Variants in CRELD2 observed in about 807,000 individuals in gnomAD.
The protein encoded by CRELD2 is protein disulfide isomerase CRELD2.
A neutral mutation model predicts 48.1 loss-of-function variants in CRELD2; 33 were observed. The ratio of observed to expected loss-of-function variants is 0.69; its 90% CI spans 0.52 to 0.92. The LOEUF (loss-of-function observed/expected upper bound fraction) is 0.92, where lower values mean the gene tolerates loss of function less well. Among genes scored for constraint, CRELD2 ranks in the 40% least tolerant of loss-of-function variants. The pLI, the probability that CRELD2 is intolerant of heterozygous loss-of-function variation, is 0.00. For synonymous variants in CRELD2, 220 were observed against 203.9 expected, an observed-to-expected ratio of 1.08 and a Z score of -0.67; for missense variants, 477 against 482.4, an observed-to-expected ratio of 0.99 and a Z score of 0.10.
chr22:49,920,288 T>C (rs1193057433), intron 4 of CRELD2, 41 bp downstream of exon 4: 1 of 1,322,596 alleles, frequency 7.6e-7, no homozygotes, highest in Non-Finnish European at 1.1e-6. Context: ...CTACGTCACT[T>C]CCCCTCTTCT....
rs764933512 is a variant in CRELD2 at position 49,925,512 on chromosome 22, G to A, written c.964G>A (p.Gly322Ser). ...PGSYVCVCPDGFEETEDACVP... is the reference protein window; with the variant it reads ...PGSYVCVCPDSFEETEDACVP... ...GAGCTACGTCTGTGTGTGTCCTGAC[G>A]GCTTCGAAGAAACGGAAGATGCCTG... The change falls in exon 9 of 10, where the codon GGC (glycine) becomes AGC (serine). Residue 322 changes from glycine to serine, a missense_variant. By Grantham distance (56) the Gly-to-Ser change is moderately conservative (BLOSUM62 0). Coordinates refer to ENST00000328268, the MANE Select transcript of CRELD2 (RefSeq NM_024324.5). 11 of 1,613,838 alleles carry A rather than the reference G, an allele frequency of 6.8e-6. No individual in the cohort carries two copies. The highest frequency in any genetic ancestry group is 5.0e-5 in the Admixed American group (3 of 60,008).
intron 1 of CRELD2, 47 bp from the exon 2 acceptor site, chr22:49,919,183 A>C: frequency 8.9e-6 from 14 of 1,572,888 alleles, no homozygotes; most frequent in Middle Eastern, 1.7e-4. Context: ...CCCACCCTGG[A>C]CCCGGGTCAG....
At chr22:49,924,542 G>A in intron 8 of CRELD2, 87 bp downstream of exon 8, 2 of 1,022,168 alleles carry the variant, frequency 2.0e-6, no homozygotes, top group Non-Finnish European at 2.9e-6. Flanking sequence ...TGCCAGGGAT[G>A]GGAAGCAGTT....
rs2060693312 is a variant in CRELD2 at position 49,922,011 on chromosome 22, C to T, written c.592+250C>T. The T allele has an allele frequency of 5.0e-6, 3 of 602,644 alleles. No homozygotes were observed. In the East Asian group the frequency reaches 8.4e-5, roughly 17 times the overall value. The allele number at this position is 602,644 out of a possible 1,614,324, so 37.3% of individuals were successfully genotyped here. On this transcript the variant is annotated intron_variant, in intron 5 of 9. Transcript: ENST00000328268. Reference sequence around the variant, plus strand: ...ACCTTTCTCTCTAGTTCAAGGTCCACCCCGACCTTGAGTTGTGATGGGCCA... The same window carrying T: ...ACCTTTCTCTCTAGTTCAAGGTCCATCCCGACCTTGAGTTGTGATGGGCCA...
rs757316087 is a variant in CRELD2 at position 49,925,487 on chromosome 22, GA to G, written c.940del (p.Ser314AlafsTer102). On this transcript the variant is annotated frameshift_variant, in exon 9 of 10. Transcript: ENST00000328268. LOFTEE classifies it high-confidence loss of function. ...ACGAAAACTGCTACAATACTCCAGG[GA>G]GCTACGTCTGTGTGTGTCCTGACGG... ...KNENCYNTPGSYVCVCPDGFE... is the reference protein window; with the variant it reads ...KNENCYNTPGXYVCVCPDGFE... 1.2e-6 allele frequency: 2 copies of G among 1,614,030 alleles called. No individual in the cohort carries two copies. The highest frequency in any genetic ancestry group is 1.7e-6 in the Non-Finnish European group (2 of 1,180,022).
Position 49,920,994 on chromosome 22 carries a change from C to T in CRELD2, c.416-591C>T, listed in dbSNP as rs146151513. ...CCACACAAAGTGCAGTCATGTGTAA[C>T]GACCAGGCGTGTTCTGAGAAATGCG... On this transcript the variant is annotated intron_variant, in intron 4 of 9. Transcript: ENST00000328268. 5.6e-4 allele frequency among the ~76,000 whole-genome samples: 85 copies of T among 152,364 alleles called. 1 individual carries two copies. Among genetic ancestry groups the T allele is most frequent in the Admixed American group, 1.3e-3 (20 of 15,310 alleles).
At chr22:49,923,762 C>CTG (rs71711537) in intron 7 of CRELD2, 17,653 of 298,400 alleles carry the variant, frequency 0.059, 1,486 homozygotes, top group African/African-American at 0.23. Context: ...AGTTTTTCAA[C>CTG]TTATAAACTG....
intron 8 of CRELD2, 37 bp from the exon 9 acceptor site, chr22:49,925,380 G>A: frequency 2.2e-6 from 3 of 1,370,030 alleles, no homozygotes; most frequent in East Asian, 2.3e-5. Context: ...CGTCTGCTGA[G>A]CAAAGTAATT....
intron 4 of CRELD2, 40 bp from the exon 5 acceptor site, chr22:49,921,545 C>T (rs2060686855): frequency 1.3e-6 from 2 of 1,593,840 alleles, no homozygotes; most frequent in East Asian, 2.2e-5. Flanking sequence ...CACCGGTCAC[C>T]ACCAGGTGTG....
intron 5 of CRELD2, chr22:49,922,347 T>C: frequency 6.2e-7 from 1 of 1,611,560 alleles, no homozygotes; most frequent in Non-Finnish European, 8.5e-7. Flanking sequence ...GTCTCTTGGA[T>C]GTTGGCGTGG....
Position 49,918,716 on chromosome 22 carries a change from G to A in CRELD2, c.-54G>A. The A allele has an allele frequency of 2.9e-6, 2 of 687,890 alleles. No individual in the cohort carries two copies. 42.6% of individuals were successfully genotyped at this position (687,890 alleles called of 1,614,324 possible). A position where few individuals can be genotyped will look rare whatever the true frequency, so the allele number is the denominator to read the frequency against. On this transcript the variant is annotated 5_prime_UTR_variant, in exon 1 of 10. Transcript: ENST00000328268. Reference sequence around the variant, plus strand: ...GGTGGGCGGCCGGGAGGCCGGAGCAGCACGGCCGCAGGACCTGGAGCTCCG... The same window carrying A: ...GGTGGGCGGCCGGGAGGCCGGAGCAACACGGCCGCAGGACCTGGAGCTCCG...
chr22:49,925,724 G>A lies in CRELD2; in HGVS notation c.1009+167G>A, dbSNP rs143817329. The A allele has an allele frequency of 2.5e-4, 355 of 1,438,214 alleles. 3 individuals are homozygous for A. In the African/African-American group the frequency reaches 4.1e-3, roughly 17 times the overall value. The allele number at this position is 1,438,214 out of a possible 1,614,324, so 89.1% of individuals were successfully genotyped here. On this transcript the variant is annotated intron_variant, in intron 9 of 9. Coordinates refer to ENST00000328268, the MANE Select transcript of CRELD2 (RefSeq NM_024324.5). Reference sequence around the variant, plus strand: ...GACATCTCTGTGTGGGCACGCTTGCGCGAGAGGTACTGGCTTCCTGAGGAT... The same window carrying A: ...GACATCTCTGTGTGGGCACGCTTGCACGAGAGGTACTGGCTTCCTGAGGAT...
rs779015161 is a variant in CRELD2, at chr22:49,924,323, G to T, written c.773-37G>T. 9 of 1,514,934 alleles carry T rather than the reference G, an allele frequency of 5.9e-6. No individual in the cohort carries two copies. In the African/African-American group the frequency reaches 1.2e-4, roughly 21 times the overall value. 93.8% of individuals were successfully genotyped at this position (1,514,934 alleles called of 1,614,324 possible). On this transcript the variant is annotated intron_variant, in intron 7 of 9. Coordinates refer to ENST00000328268, the MANE Select transcript of CRELD2 (RefSeq NM_024324.5). ...GGGGTCTGACGGGCACTGGTGCCTT[G>T]TGCATGTCGGGGTCTGACGCTGGCT...
Position 49,923,230 on chromosome 22 carries a change from C to G in CRELD2, c.689-4C>G. On this transcript the variant is annotated splice_region_variant and splice_polypyrimidine_tract_variant and intron_variant, in intron 6 of 9. Transcript: ENST00000328268. ...CCGCTCACAGCTGTGCCGCTCTGTTCCAGATGTGGACGAGTGTGCGGCCGA... is the reference window on the plus strand; with the variant it reads ...CCGCTCACAGCTGTGCCGCTCTGTTGCAGATGTGGACGAGTGTGCGGCCGA... 6.4e-7 allele frequency: 1 copy of G among 1,571,840 alleles called. No individual in the cohort carries two copies. The highest frequency in any genetic ancestry group is 8.6e-7 in the Non-Finnish European group (1 of 1,160,086).
chr22:49,925,562 G>T lies in CRELD2; in HGVS notation c.1009+5G>T. On this transcript the variant is annotated splice_donor_5th_base_variant and intron_variant, in intron 9 of 9. Transcript: ENST00000328268. The stretch of plus-strand genomic sequence containing the variant: ...GTGTGCCGCCGGCAGAGGCTGGTGA[G>T]TGGCACGGCTGCCCTCCACACAGGC... The T allele has an allele frequency of 6.2e-7, 1 of 1,613,242 alleles. No individual in the cohort carries two copies. The highest frequency in any genetic ancestry group is 8.5e-7 in the Non-Finnish European group (1 of 1,180,010).
At chr22:49,927,007 C>T (rs186567444) in intron 9 of CRELD2, among the ~76,000 whole-genome samples, 1 of 147,466 alleles carries the variant, frequency 6.8e-6, no homozygotes, top group Non-Finnish European at 1.5e-5. Flanking sequence ...CAAGGAACCC[C>T]TTGCCGCTCC....
In CRELD2 at chr22:49,922,726, G is replaced by C; in HGVS notation, c.688+19G>C. ...TGTGTGGGTGAGGAGCGGCCCGGGG[G>C]TGGAGGAGGGCGCCTGCGTGAGGCG... On this transcript the variant is annotated intron_variant, in intron 6 of 9. Transcript: ENST00000328268. 1 of 1,508,748 alleles carries C rather than the reference G, an allele frequency of 6.6e-7. No individual in the cohort carries two copies. The highest frequency in any genetic ancestry group is 8.9e-7 in the Non-Finnish European group (1 of 1,128,638). 93.5% of individuals were successfully genotyped at this position (1,508,748 alleles called of 1,614,324 possible).
At position 49,919,733 on chromosome 22, in the gene CRELD2, G is replaced by C. The variant is rs752799870; in HGVS notation, c.216G>C (p.Glu72Asp). 2 of 1,606,814 alleles carry C rather than the reference G, an allele frequency of 1.2e-6. No homozygotes were observed. The highest frequency in any genetic ancestry group is 1.7e-6 in the Non-Finnish European group (2 of 1,177,346). Residue 72 changes from glutamate (E) to aspartate (D), a missense_variant, in exon 3 of 10, where the codon GAG becomes GAC. Glu to Asp is a conservative substitution (Grantham distance 45). Coordinates refer to ENST00000328268, the MANE Select transcript of CRELD2 (RefSeq NM_024324.5). ...EKTLSKYESSEIRLLEILEGL... is the reference protein window; with the variant it reads ...EKTLSKYESSDIRLLEILEGL... Reference sequence around the variant, plus strand: ...CCGGTGTGGGCCTGTGTTTCAGCGAGATTCGCCTGCTGGAGATCCTGGAGG... The same window carrying C: ...CCGGTGTGGGCCTGTGTTTCAGCGACATTCGCCTGCTGGAGATCCTGGAGG...
At chr22:49,926,138 TGTCTTCACGTG>T (rs1240442265) in intron 9 of CRELD2, 1 of 153,864 alleles carries the variant, frequency 6.5e-6, no homozygotes, top group Admixed American at 6.5e-5. Flanking sequence ...CTGCTCCCCG[TGTCTTCACGTG>T]GTCTCCATGC....
Sources: gnomAD v4.1 joint callset for allele counts (sites outside exome capture counted in the v4.1 genomes callset) on GRCh38, gnomAD v4.1.1 for gene constraint, MANE v1.5 for transcripts, NCBI Gene and HGNC (gene_info 2026-07-23, HGNC 2026-07-21) for gene names.